The following CCDC7 variants were observed in gnomAD, a reference collection of about 807,000 sequenced individuals.
CCDC7 encodes the protein coiled-coil domain containing 7, also known as coiled-coil domain-containing protein 7.
In CCDC7, 183 loss-of-function variants were observed where a neutral mutation model predicts 196.9. The observed-to-expected ratio is 0.93, with a 90% confidence interval of 0.82 to 1.05. The LOEUF is 1.05. Among genes scored for constraint, CCDC7 ranks in the 50% least tolerant of loss-of-function variants. The pLI, the probability that CCDC7 is intolerant of heterozygous loss-of-function variation, is 0.00. For synonymous variants in CCDC7, 525 were observed against 484.6 expected, an observed-to-expected ratio of 1.08 and a Z score of -1.10; for missense variants, 1,540 against 1,482.2, an observed-to-expected ratio of 1.04 and a Z score of -0.64.
chr10:32,779,468 A>G (rs564538134), intron 29 of CCDC7, among the ~76,000 whole-genome samples: 3 of 152,370 alleles, frequency 2.0e-5, no homozygotes, highest in African/African-American at 4.8e-5. Context: ...AACTAGTACC[A>G]TATAGGCAAT....
chr10:32,823,362 G>A (rs1214996541), intron 31 of CCDC7, among the ~76,000 whole-genome samples: 1 of 152,032 alleles, frequency 6.6e-6, no homozygotes. Context: ...GGCTGGTCTC[G>A]AACTTGGGAC....
intron 24 of CCDC7, among the ~76,000 whole-genome samples, chr10:32,695,980 G>A (rs1443389589): frequency 7.8e-6 from 1 of 128,810 alleles, no homozygotes; most frequent in Non-Finnish European, 1.6e-5. Context: ...GCTTCCTTAA[G>A]CACAGCAATG....
At chr10:32,772,743 T>G (rs1414262021) in intron 28 of CCDC7, among the ~76,000 whole-genome samples, 1 of 152,150 alleles carries the variant, frequency 6.6e-6, no homozygotes, top group Non-Finnish European at 1.5e-5. Context: ...TCCATTATCC[T>G]CCCCAAGTCA....
At chr10:32,795,769 C>T (rs1216282260) in intron 29 of CCDC7, among the ~76,000 whole-genome samples, 1 of 152,084 alleles carries the variant, frequency 6.6e-6, no homozygotes, top group Non-Finnish European at 1.5e-5. Flanking sequence ...ATTTTTGGCA[C>T]TAGGTGGAGC....
At chr10:32,685,062 T>G (rs978526830) in intron 21 of CCDC7, among the ~76,000 whole-genome samples, 1 of 152,046 alleles carries the variant, frequency 6.6e-6, no homozygotes, top group African/African-American at 2.4e-5. Context: ...TTCACCCTCC[T>G]TCATCTTGTA....
intron 25 of CCDC7, among the ~76,000 whole-genome samples, chr10:32,721,275 A>T (rs984725709): frequency 7.9e-5 from 12 of 152,136 alleles, no homozygotes; most frequent in Non-Finnish European, 1.6e-4. Flanking sequence ...CTCATGAAGA[A>T]TGTGTAGATT....
At chr10:32,514,243 A>T (rs1421193477) in intron 9 of CCDC7, 3 of 152,178 alleles carry the variant, frequency 2.0e-5, no homozygotes, top group Non-Finnish European at 4.4e-5. Flanking sequence ...ACCCCCTGCT[A>T]CCTCAGGGTG....
chr10:32,814,052 G>T (rs1017793126), intron 30 of CCDC7, among the ~76,000 whole-genome samples: 5 of 152,060 alleles, frequency 3.3e-5, no homozygotes, highest in African/African-American at 1.2e-4. Flanking sequence ...CCGACTCCTG[G>T]GTTTGAGTGA....
intron 21 of CCDC7, among the ~76,000 whole-genome samples, chr10:32,679,238 A>G (rs888075456): frequency 4.6e-5 from 7 of 152,216 alleles, no homozygotes; most frequent in Non-Finnish European, 1.0e-4. Flanking sequence ...TAAAGGGTAT[A>G]TACTTTTCAG....
At chr10:32,512,175 T>TGTTGG (rs1320324715) in intron 9 of CCDC7, 3 of 167,882 alleles carry the variant, frequency 1.8e-5, no homozygotes, top group Non-Finnish European at 3.8e-5. Flanking sequence ...TTTGTGAAGA[T>TGTTGG]ATGATTCCTT....
intron 40 of CCDC7, 89 bp downstream of exon 41, chr10:32,852,021 A>AT: frequency 1.5e-6 from 2 of 1,356,784 alleles, no homozygotes; most frequent in South Asian, 3.3e-5. Context: ...AGCTTTAGTC[A>AT]TATAACAGTT....
intron 33 of CCDC7, among the ~76,000 whole-genome samples, chr10:32,842,801 A>G (rs1430885983): frequency 6.6e-6 from 1 of 152,100 alleles, no homozygotes; most frequent in East Asian, 1.9e-4. Flanking sequence ...AGCAACCTGA[A>G]TGGAATTGGA....
At chr10:32,454,521 G>T (rs1451910640) in intron 2 of CCDC7, among the ~76,000 whole-genome samples, 1 of 151,394 alleles carries the variant, frequency 6.6e-6, no homozygotes, top group South Asian at 2.1e-4. Flanking sequence ...TCAGCATCAC[G>T]CAGTATATCC....
intron 11 of CCDC7, among the ~76,000 whole-genome samples, chr10:32,521,082 G>A (rs376296044): frequency 5.9e-5 from 9 of 151,814 alleles, no homozygotes; most frequent in Admixed American, 5.3e-4. Flanking sequence ...TCTATGTGTC[G>A]GCTTTTTTGC....
At chr10:32,710,106 C>G (rs1331493153) in intron 24 of CCDC7, among the ~76,000 whole-genome samples, 2 of 152,164 alleles carry the variant, frequency 1.3e-5, no homozygotes, top group Non-Finnish European at 2.9e-5. Flanking sequence ...TGAGCAAAAC[C>G]TATTCTGTCA....
intron 20 of CCDC7, among the ~76,000 whole-genome samples, chr10:32,651,324 C>T (rs1224970745): frequency 6.6e-6 from 1 of 152,180 alleles, no homozygotes; most frequent in Non-Finnish European, 1.5e-5. Flanking sequence ...AGCTTCCTCC[C>T]TATTCAGCCT....
chr10:32,701,789 T>G (rs2078772546), intron 24 of CCDC7, among the ~76,000 whole-genome samples: 1 of 152,188 alleles, frequency 6.6e-6, no homozygotes, highest in African/African-American at 2.4e-5. Context: ...TTCTAGATTT[T>G]CTAGTTTATT....
chr10:32,561,618 A>G (rs1275273004), intron 13 of CCDC7, among the ~76,000 whole-genome samples: 3 of 152,238 alleles, frequency 2.0e-5, no homozygotes, highest in Admixed American at 6.5e-5. Flanking sequence ...CAAAGACACA[A>G]CATACCAGAA....
chr10:32,689,891 C>T (rs538894794), intron 23 of CCDC7, among the ~76,000 whole-genome samples: 6 of 152,130 alleles, frequency 3.9e-5, no homozygotes, highest in East Asian at 1.9e-4. Flanking sequence ...CACACCACCA[C>T]GTCTGCCTAA....
Sources: allele counts gnomAD v4.1 joint callset (sites outside exome capture counted in the v4.1 genomes callset), GRCh38; gene constraint gnomAD v4.1.1; transcripts MANE v1.5; gene names NCBI Gene and HGNC (gene_info 2026-07-23, HGNC 2026-07-21).